Variants in ANKFY1 observed in about 807,000 individuals in gnomAD.
The protein encoded by ANKFY1 is ankyrin repeat and FYVE domain-containing protein 1.
A neutral mutation model predicts 128.3 loss-of-function variants in ANKFY1; 47 were observed. That is an observed-to-expected ratio of 0.37 (90% CI 0.29 to 0.47). The LOEUF (loss-of-function observed/expected upper bound fraction) is 0.47. Among genes scored for constraint, ANKFY1 ranks in the 20% least tolerant of loss-of-function variants. The pLI, the probability that ANKFY1 is intolerant of heterozygous loss-of-function variation, is 1.00. For synonymous variants in ANKFY1, 553 were observed against 601.6 expected, an observed-to-expected ratio of 0.92 and a Z score of 1.18; for missense variants, 1,222 against 1,510.6, an observed-to-expected ratio of 0.81 and a Z score of 3.17.
chr17:4,228,490 C>A (rs922532064), intron 3 of ANKFY1, among the ~76,000 whole-genome samples: 1 of 151,726 alleles, frequency 6.6e-6, no homozygotes, highest in Non-Finnish European at 1.5e-5. Flanking sequence ...GATCTCGGCT[C>A]ACTGCAACCT....
Position 4,197,546 on chromosome 17 carries a change from C to G in ANKFY1, c.930G>C (p.Lys310Asn). 1 of 1,614,156 alleles carries G rather than the reference C, an allele frequency of 6.2e-7. No individual in the cohort carries two copies. Among genetic ancestry groups the G allele is most frequent in the Non-Finnish European group, 8.5e-7 (1 of 1,180,026 alleles). ...GDLFAATFLI[K>N]NGAFVNAATL... is the part of the protein sequence containing the mutation. ...TAGCAGCGTTGACAAAGGCCCCATT[C>G]TTAATGAGGAAAGTGGCAGCAAAGA... Residue 310 changes from lysine to asparagine, a missense_variant, in exon 8 of 25, where the codon AAG (lysine) becomes AAC (asparagine). Transcript: ENST00000341657.
chr17:4,179,459 T>C lies in ANKFY1; in HGVS notation c.2397+262A>G, dbSNP rs1026659357. On this transcript the variant is annotated intron_variant, in intron 17 of 24. Coordinates refer to ENST00000341657, the MANE Select transcript of ANKFY1 (RefSeq NM_001330063.2). ...CTAAATACAGTATGCGATTTGGGAC[T>C]AAACTCTCAGAGGAAATCTGTAACT... is the stretch of plus-strand genomic sequence containing the variant. 4 of 555,034 alleles carry C rather than the reference T, an allele frequency of 7.2e-6. No homozygotes were observed. In the African/African-American group the frequency reaches 7.5e-5, roughly 10 times the overall value. The allele number at this position is 555,034 out of a possible 1,614,324, so 34.4% of individuals were successfully genotyped here.
At chr17:4,197,750 AC>A (rs1168105604) in intron 7 of ANKFY1, among the ~76,000 whole-genome samples, 173 bp from the exon 8 acceptor site, 1 of 152,200 alleles carries the variant, frequency 6.6e-6, no homozygotes, top group Non-Finnish European at 1.5e-5. Flanking sequence ...GGAGTTACAG[AC>A]GAATTCAAAA....
chr17:4,197,325 A>C, intron 8 of ANKFY1, 48 bp downstream of exon 8: 1 of 1,589,154 alleles, frequency 6.3e-7, no homozygotes, highest in Non-Finnish European at 8.6e-7. Context: ...ACTGTAAGAT[A>C]TCTTCTGAGA....
intron 1 of ANKFY1, 40 bp downstream of exon 1, chr17:4,263,892 G>A: frequency 6.2e-7 from 1 of 1,613,626 alleles, no homozygotes; most frequent in Non-Finnish European, 8.5e-7. Flanking sequence ...CGCCCCCACA[G>A]CTCCGTGTCT....
In ANKFY1 at chr17:4,169,330, G is replaced by T; in HGVS notation, c.3287-42C>A. ...AGGCCCGGTCCCGTCAAACCGCGAC[G>T]GCGCCACGCAAGCCCCAGGGCTTGG... On this transcript the variant is annotated intron_variant, in intron 23 of 24. Transcript: ENST00000341657. The surrounding 1 kb of genome is among the most constrained non-coding windows in gnomAD (Gnocchi z 5.0). 6.8e-7 allele frequency: 1 copy of T among 1,468,980 alleles called. No individual in the cohort carries two copies. Among genetic ancestry groups the T allele is most frequent in the Non-Finnish European group, 9.3e-7 (1 of 1,076,142 alleles). 91.0% of individuals were successfully genotyped at this position (1,468,980 alleles called of 1,614,324 possible).
At chr17:4,226,722 G>A (rs1157324326) in intron 3 of ANKFY1, among the ~76,000 whole-genome samples, 4 of 140,066 alleles carry the variant, frequency 2.9e-5, no homozygotes, top group Non-Finnish European at 4.6e-5. Context: ...CAGCCTGGGC[G>A]ACACAACGAG....
intron 7 of ANKFY1, among the ~76,000 whole-genome samples, chr17:4,202,108 A>G (rs1366773309): frequency 6.6e-6 from 1 of 152,198 alleles, no homozygotes; most frequent in Non-Finnish European, 1.5e-5. Context: ...AAACTAAGAC[A>G]CAAATACATA....
At chr17:4,230,466 G>T (rs185382458) in intron 3 of ANKFY1, among the ~76,000 whole-genome samples, 1 of 152,296 alleles carries the variant, frequency 6.6e-6, no homozygotes, top group East Asian at 1.9e-4. Context: ...GTGCTACAGA[G>T]AGGCCATAAA....
Position 4,181,205 on chromosome 17 carries a change from G to A in ANKFY1, c.2240+49C>T. 1 of 1,460,774 alleles carries A rather than the reference G, an allele frequency of 6.8e-7. No homozygotes were observed. The highest frequency in any genetic ancestry group is 9.6e-7 in the Non-Finnish European group (1 of 1,042,484). The allele number at this position is 1,460,774 out of a possible 1,614,324, so 90.5% of individuals were successfully genotyped here. ...GATTTAAAAAGGAAAGAGCCAGTTTGCAACAAGCTCACTAAAAAGCTGTGG... is the reference window on the plus strand; with the variant it reads ...GATTTAAAAAGGAAAGAGCCAGTTTACAACAAGCTCACTAAAAAGCTGTGG... On this transcript the variant is annotated intron_variant, in intron 16 of 24. Coordinates refer to ENST00000341657, the MANE Select transcript of ANKFY1 (RefSeq NM_001330063.2). The surrounding 1 kb of genome is among the most constrained non-coding windows in gnomAD (Gnocchi z 4.9).
At chr17:4,256,855 C>T (rs1316124295) in intron 1 of ANKFY1, among the ~76,000 whole-genome samples, 1 of 152,158 alleles carries the variant, frequency 6.6e-6, no homozygotes, top group African/African-American at 2.4e-5. Flanking sequence ...CCTCATGTTA[C>T]AGTTGGTGGC....
At chr17:4,247,070 C>T (rs1210832885) in intron 1 of ANKFY1, among the ~76,000 whole-genome samples, 1 of 150,738 alleles carries the variant, frequency 6.6e-6, no homozygotes, top group Admixed American at 6.6e-5. Flanking sequence ...GAGCTGAGAT[C>T]GCACCACTGA....
At chr17:4,237,573 G>A (rs185898588) in intron 2 of ANKFY1, among the ~76,000 whole-genome samples, 30 of 152,100 alleles carry the variant, frequency 2.0e-4, no homozygotes, top group African/African-American at 6.5e-4. Context: ...TTTCAACCAC[G>A]AGTATAACTT....
intron 10 of ANKFY1, among the ~76,000 whole-genome samples, chr17:4,194,103 A>ATTTT (rs796921017): frequency 2.8e-5 from 3 of 108,186 alleles, no homozygotes; most frequent in African/African-American, 1.5e-4. Context: ...ATATATATAT[A>ATTTT]TTTTTTTTTT....
chr17:4,209,618 T>C (rs560523887), intron 5 of ANKFY1, among the ~76,000 whole-genome samples: 2 of 152,316 alleles, frequency 1.3e-5, no homozygotes, highest in Admixed American at 1.3e-4. Flanking sequence ...AGCTATCTTT[T>C]GTCCTTTGGC....
At position 4,185,283 on chromosome 17, in the gene ANKFY1, G is replaced by A. The variant is rs190094051; in HGVS notation, c.1471-237C>T. ...TGCAGTGTCAAGATCTCGGCTCACT[G>A]CAACCTTTGCCTCCCGGGTTCAAGC... On this transcript the variant is annotated intron_variant, in intron 11 of 24. Transcript: ENST00000341657. Among the ~76,000 whole-genome samples, 8 of 152,134 alleles carry A rather than the reference G, an allele frequency of 5.3e-5. No homozygotes were observed. The East Asian group carries it at 1.4e-3, about 26-fold the overall frequency.
chr17:4,215,497 T>C (rs1485388815), intron 4 of ANKFY1, among the ~76,000 whole-genome samples: 1 of 152,214 alleles, frequency 6.6e-6, no homozygotes, highest in East Asian at 1.9e-4. Context: ...CCTTTCATTA[T>C]CTCAAGCATG....
chr17:4,205,413 AT>A (rs71383530), intron 7 of ANKFY1, among the ~76,000 whole-genome samples: 89 of 150,488 alleles, frequency 5.9e-4, no homozygotes, highest in African/African-American at 1.8e-3. Flanking sequence ...AAAACCTAGT[AT>A]TTTTTTTTTC....
chr17:4,189,583 G>GCCAGACAGTAGGCCCACA, intron 10 of ANKFY1, 104 bp from the exon 11 acceptor site: 6 of 1,015,202 alleles, frequency 5.9e-6, no homozygotes, highest in East Asian at 2.6e-5. Context: ...GCAAGCCCAC[G>GCCAGACAGTAGGCCCACA]CCAGACAGTA....
Sources: allele counts gnomAD v4.1 joint callset (sites outside exome capture counted in the v4.1 genomes callset), GRCh38; gene constraint gnomAD v4.1.1; non-coding constraint Gnocchi (gnomAD v3.1); transcripts MANE v1.5; gene names NCBI Gene and HGNC (gene_info 2026-07-23, HGNC 2026-07-21).